The following CTNNA3 variants were observed in gnomAD, a reference collection of about 807,000 sequenced individuals.
CTNNA3 encodes the protein catenin alpha-3.
Under a neutral mutation model 95.7 loss-of-function variants are expected in CTNNA3, and 76 were observed. The ratio of observed to expected loss-of-function variants is 0.79; its 90% CI spans 0.66 to 0.96. The LOEUF is 0.96. Ranked by LOEUF, CTNNA3 falls within the 40% of genes least tolerant of loss-of-function variation. CTNNA3 has a pLI of 0.00. For synonymous variants in CTNNA3, 431 were observed against 374.4 expected (o/e 1.15, Z -1.74); for missense variants, 1,191 against 1,089.8 (o/e 1.09, Z -1.31).
In CTNNA3 at chr10:66,225,238, C is replaced by T. The variant is rs564933180; in HGVS notation, c.1884+55232G>A. On this transcript the variant is annotated intron_variant, in intron 13 of 17. Coordinates refer to ENST00000433211, the MANE Select transcript of CTNNA3 (RefSeq NM_013266.4). ...CAGCTTCTAATAATCACAGTTTTCA[C>T]GGTTTACTTCTATAAGGTCAAGTTT... Among the ~76,000 whole-genome samples, 33 of 151,646 alleles carry T rather than the reference C, an allele frequency of 2.2e-4. No individual in the cohort carries two copies. The East Asian group carries it at 3.3e-3, about 15-fold the overall frequency.
chr10:66,047,265 G>C (rs907318900), intron 15 of CTNNA3, among the ~76,000 whole-genome samples: 4 of 151,882 alleles, frequency 2.6e-5, no homozygotes, highest in Non-Finnish European at 5.9e-5. Context: ...GCAGCATGTC[G>C]AAAGACTAAT....
intron 7 of CTNNA3, among the ~76,000 whole-genome samples, chr10:66,871,052 T>C (rs997895645): frequency 2.4e-4 from 37 of 152,256 alleles, no homozygotes; most frequent in East Asian, 1.4e-3. Flanking sequence ...TTGTTGCTGG[T>C]TTGTTTTGCT....
chr10:67,590,986 A>T (rs1174752231), intron 3 of CTNNA3, among the ~76,000 whole-genome samples: 1 of 151,348 alleles, frequency 6.6e-6, no homozygotes, highest in Non-Finnish European at 1.5e-5. Context: ...CCCAAAGCGT[A>T]AAAAAAAACT....
chr10:67,492,738 A>AGG (rs1237327984), intron 5 of CTNNA3, among the ~76,000 whole-genome samples: 1 of 152,226 alleles, frequency 6.6e-6, no homozygotes. Context: ...TTCCACGAAG[A>AGG]GGGAACAGCA....
intron 11 of CTNNA3, among the ~76,000 whole-genome samples, chr10:66,421,000 A>G (rs1439126823): frequency 6.6e-6 from 1 of 152,174 alleles, no homozygotes; most frequent in Non-Finnish European, 1.5e-5. Flanking sequence ...TAGCAAAGAT[A>G]TAGAACCAAA....
At chr10:66,664,575 T>C (rs1846375649) in intron 9 of CTNNA3, among the ~76,000 whole-genome samples, 1 of 152,032 alleles carries the variant, frequency 6.6e-6, no homozygotes, top group Non-Finnish European at 1.5e-5. Context: ...TCATTATCTT[T>C]GGTGCCATGA....
chr10:67,073,090 A>C (rs1856554253), intron 7 of CTNNA3, among the ~76,000 whole-genome samples: 1 of 152,218 alleles, frequency 6.6e-6, no homozygotes, highest in Non-Finnish European at 1.5e-5. Flanking sequence ...AAATGCCCTC[A>C]GGGAAATAAA....
chr10:67,393,939 C>A (rs1049839871), intron 5 of CTNNA3, among the ~76,000 whole-genome samples: 1 of 152,066 alleles, frequency 6.6e-6, no homozygotes, highest in Non-Finnish European at 1.5e-5. Context: ...GATAATCACC[C>A]AGATCCTTCA....
At chr10:67,601,206 G>T (rs536716769) in intron 3 of CTNNA3, among the ~76,000 whole-genome samples, 15 of 152,252 alleles carry the variant, frequency 9.9e-5, no homozygotes, top group African/African-American at 3.6e-4. Context: ...CACTTGTGTG[G>T]CTTAGAACAG....
chr10:66,137,047 C>T (rs889488376), intron 13 of CTNNA3, among the ~76,000 whole-genome samples: 6 of 152,122 alleles, frequency 3.9e-5, no homozygotes, highest in African/African-American at 1.4e-4. Flanking sequence ...TTCTCAAACT[C>T]CTAACCTCAA....
intron 7 of CTNNA3, among the ~76,000 whole-genome samples, chr10:66,936,924 G>A (rs964145122): frequency 6.6e-6 from 1 of 152,168 alleles, no homozygotes; most frequent in South Asian, 2.1e-4. Context: ...GGCATAGCCA[G>A]CAGGGTTGGG....
intron 14 of CTNNA3, among the ~76,000 whole-genome samples, chr10:66,090,926 G>A (rs952837019): frequency 1.3e-5 from 2 of 151,812 alleles, no homozygotes; most frequent in African/African-American, 2.4e-5. Flanking sequence ...ATACTATTTC[G>A]GTTATGGTAC....
chr10:66,076,671 G>T (rs896500238), intron 14 of CTNNA3, among the ~76,000 whole-genome samples: 2 of 151,666 alleles, frequency 1.3e-5, no homozygotes, highest in Non-Finnish European at 3.0e-5. Context: ...CAGGGACTGG[G>T]TCGAAACAGA....
At chr10:66,534,494 ATATATATG>A (rs1448276092) in intron 10 of CTNNA3, among the ~76,000 whole-genome samples, 3 of 53,406 alleles carry the variant, frequency 5.6e-5, no homozygotes, top group Non-Finnish European at 1.4e-4. Flanking sequence ...ATATATATAT[ATATATATG>A]TATATATATG....
chr10:66,575,482 G>T (rs958817017), intron 10 of CTNNA3, among the ~76,000 whole-genome samples: 12 of 152,036 alleles, frequency 7.9e-5, no homozygotes, highest in Non-Finnish European at 1.8e-4. Flanking sequence ...AATGATACTT[G>T]CAATTTTTTG....
intron 13 of CTNNA3, among the ~76,000 whole-genome samples, chr10:66,234,287 G>A (rs908945513): frequency 6.6e-6 from 1 of 151,908 alleles, no homozygotes; most frequent in Non-Finnish European, 1.5e-5. Flanking sequence ...ATATATATTT[G>A]GTCATAAATC....
At chr10:67,412,600 C>G (rs1414870562) in intron 5 of CTNNA3, among the ~76,000 whole-genome samples, 1 of 151,988 alleles carries the variant, frequency 6.6e-6, no homozygotes, top group African/African-American at 2.4e-5. Flanking sequence ...TAAAAGGCAG[C>G]TAGAGAGAAA....
At chr10:66,653,641 C>G (rs1845983292) in intron 9 of CTNNA3, among the ~76,000 whole-genome samples, 1 of 151,940 alleles carries the variant, frequency 6.6e-6, no homozygotes, top group African/African-American at 2.4e-5. Flanking sequence ...TGCTGAATAG[C>G]CAAAGCAATC....
intron 5 of CTNNA3, among the ~76,000 whole-genome samples, chr10:67,387,865 A>C (rs1443764071): frequency 1.3e-5 from 2 of 152,218 alleles, no homozygotes; most frequent in African/African-American, 2.4e-5. Flanking sequence ...TGTTAGAAGG[A>C]AAACTTACAA....
Sources: allele counts gnomAD v4.1 joint callset (sites outside exome capture counted in the v4.1 genomes callset), GRCh38; gene constraint gnomAD v4.1.1; transcripts MANE v1.5; gene names NCBI Gene and HGNC (gene_info 2026-07-23, HGNC 2026-07-21).